DPP6: variants seen among roughly 807,000 people sequenced by gnomAD.
DPP6 encodes A-type potassium channel modulatory protein DPP6.
A neutral mutation model predicts 122.6 loss-of-function variants in DPP6; 69 were observed. The observed-to-expected ratio is 0.56, with a 90% CI of 0.46 to 0.69. The LOEUF (loss-of-function observed/expected upper bound fraction) is 0.69, where lower values mean the gene tolerates loss of function less well. DPP6 is among the 30% of genes least tolerant of loss of function. DPP6 has a pLI of 0.00. For missense variants in DPP6, 928 were observed against 1,116.9 expected (o/e 0.83, Z 2.41); for synonymous variants, 418 against 433.1 (o/e 0.97, Z 0.43).
At chr7:154,533,286 T>C (rs1827985734) in intron 3 of DPP6, among the ~76,000 whole-genome samples, 1 of 152,186 alleles carries the variant, frequency 6.6e-6, no homozygotes, top group African/African-American at 2.4e-5. Flanking sequence ...TGATGGTGAA[T>C]GAGAAAAGAT....
chr7:154,839,757 G>GC (rs1801369744), intron 16 of DPP6, among the ~76,000 whole-genome samples: 1 of 152,178 alleles, frequency 6.6e-6, no homozygotes, highest in Admixed American at 6.5e-5. Context: ...GAACAGCACA[G>GC]CCCCCACGCA....
intron 1 of DPP6, among the ~76,000 whole-genome samples, chr7:154,336,936 A>C (rs1302294544): frequency 2.0e-5 from 3 of 152,206 alleles, no homozygotes; most frequent in African/African-American, 7.2e-5. Context: ...GCAAGTCACC[A>C]GCTGGAAGTG....
At chr7:153,937,528 ACCTCTC>A (rs1156850510) in intron 1 of DPP6, among the ~76,000 whole-genome samples, 1 of 143,386 alleles carries the variant, frequency 7.0e-6, no homozygotes, top group Non-Finnish European at 1.5e-5. Flanking sequence ...GCCCACTGCA[ACCTCTC>A]CCTCCCGGGT....
chr7:154,492,964 G>A (rs1157924626), intron 3 of DPP6, among the ~76,000 whole-genome samples: 2 of 152,128 alleles, frequency 1.3e-5, no homozygotes, highest in African/African-American at 2.4e-5. Flanking sequence ...AAAAATCCAC[G>A]AAGCTCCCGC....
At chr7:154,696,115 G>A (rs550032887) in intron 7 of DPP6, among the ~76,000 whole-genome samples, 7 of 152,196 alleles carry the variant, frequency 4.6e-5, no homozygotes, top group Non-Finnish European at 7.3e-5. Context: ...AAACTCATGC[G>A]ATCCTCAGAG....
At chr7:154,572,316 C>G (rs1392667486) in intron 5 of DPP6, among the ~76,000 whole-genome samples, 3 of 152,026 alleles carry the variant, frequency 2.0e-5, no homozygotes, top group Non-Finnish European at 4.4e-5. Flanking sequence ...ATCCCAGAAT[C>G]TTCTATGCAC....
intron 1 of DPP6, among the ~76,000 whole-genome samples, chr7:153,946,869 C>T (rs1801971594): frequency 6.6e-6 from 1 of 152,050 alleles, no homozygotes; most frequent in Non-Finnish European, 1.5e-5. Flanking sequence ...GCAATTTGGT[C>T]AAGTGTGAAG....
At position 154,669,351 on chromosome 7, in the gene DPP6, A is replaced by G; in HGVS notation, c.681-9A>G. 6.4e-7 allele frequency: 1 copy of G among 1,552,880 alleles called. No homozygotes were observed. Among genetic ancestry groups the G allele is most frequent in the Non-Finnish European group, 8.7e-7 (1 of 1,147,534 alleles). ...TTGCTTTGTTTTTGTTTGTTTGTTCAATTTTCAGGGATCCTCAAAGTCTGG... is the reference window on the plus strand; with the variant it reads ...TTGCTTTGTTTTTGTTTGTTTGTTCGATTTTCAGGGATCCTCAAAGTCTGG... On this transcript the variant is annotated splice_polypyrimidine_tract_variant and intron_variant, in intron 6 of 25. Transcript: ENST00000377770.
chr7:154,645,215 A>G (rs12719702), intron 6 of DPP6, among the ~76,000 whole-genome samples: 132,118 of 151,570 alleles, frequency 0.87, 57,804 homozygotes, highest in East Asian at 0.98. Flanking sequence ...ACAGGCGCCC[A>G]CCACCACGCC....
intron 1 of DPP6, among the ~76,000 whole-genome samples, chr7:153,932,861 G>T (rs535223268): frequency 4.6e-5 from 7 of 152,224 alleles, no homozygotes; most frequent in Non-Finnish European, 7.4e-5. Flanking sequence ...ATCGTGAATT[G>T]TAGCTCCCAT....
chr7:154,338,035 C>T (rs375359685), intron 1 of DPP6, among the ~76,000 whole-genome samples: 5 of 152,320 alleles, frequency 3.3e-5, no homozygotes, highest in African/African-American at 1.2e-4. Flanking sequence ...CTTGCCTTCT[C>T]GCAGATTGTT....
intron 1 of DPP6, among the ~76,000 whole-genome samples, chr7:154,358,258 T>C (rs61508338): frequency 0.028 from 4,333 of 152,242 alleles, 197 homozygotes; most frequent in African/African-American, 0.099. Flanking sequence ...AAGGAGGGGA[T>C]ATATTACCTG....
chr7:154,376,444 C>T (rs1240785288), intron 1 of DPP6, among the ~76,000 whole-genome samples: 1 of 152,192 alleles, frequency 6.6e-6, no homozygotes, highest in East Asian at 1.9e-4. Flanking sequence ...TACATAGTCT[C>T]TCAGTCATCG....
chr7:154,353,742 T>A (rs995282566), intron 1 of DPP6, among the ~76,000 whole-genome samples: 71 of 152,192 alleles, frequency 4.7e-4, no homozygotes, highest in African/African-American at 1.7e-3. Context: ...TAACACTGAT[T>A]TAGGGCCAGG....
chr7:154,845,184 A>C (rs891225035), intron 16 of DPP6, among the ~76,000 whole-genome samples: 2 of 152,222 alleles, frequency 1.3e-5, no homozygotes, highest in African/African-American at 2.4e-5. Flanking sequence ...GCTGAGTCCA[A>C]GGTTCAGAAC....
chr7:154,623,592 C>T (rs1393262109), intron 5 of DPP6, among the ~76,000 whole-genome samples: 1 of 143,736 alleles, frequency 7.0e-6, no homozygotes, highest in Non-Finnish European at 1.5e-5. Context: ...CACACGCGCA[C>T]ACACACGCTG....
In DPP6 at chr7:154,239,336, G is replaced by A. The variant is rs111526146; in HGVS notation, c.243+186273G>A. ...CCCTTGAACAACACGGGTTTGAACG[G>A]AGCAGTTCCACTTATATGTGGATTT... On this transcript the variant is annotated intron_variant, in intron 1 of 25. Transcript: ENST00000377770. 1.4e-3 allele frequency among the ~76,000 whole-genome samples: 213 copies of A among 152,224 alleles called. 1 individual carries two copies. Among genetic ancestry groups the A allele is most frequent in the African/African-American group, 4.7e-3 (195 of 41,532 alleles).
chr7:154,806,992 A>G lies in DPP6; in HGVS notation c.1548-2A>G. 1.9e-6 allele frequency: 3 copies of G among 1,613,672 alleles called. No homozygotes were observed. The highest frequency in any genetic ancestry group is 2.5e-6 in the Non-Finnish European group (3 of 1,179,734). On this transcript the variant is annotated splice_acceptor_variant, in intron 15 of 25. Coordinates refer to ENST00000377770, the MANE Select transcript of DPP6 (RefSeq NM_130797.4). LOFTEE classifies it high-confidence loss of function. The stretch of plus-strand genomic sequence containing the variant: ...TCACACCTGCGTCCTTTGCTCTTCC[A>G]GTGCCAACACGGTGGGCAACTTCAA...
the DPP6 span, among the ~76,000 whole-genome samples, chr7:153,869,002 C>G: frequency 2.6e-5 from 4 of 152,256 alleles, no homozygotes; most frequent in African/African-American, 4.8e-5. Context: ...TTTGATTGCA[C>G]TGTGGTCTGA....
Sources: allele counts gnomAD v4.1 joint callset (sites outside exome capture counted in the v4.1 genomes callset), GRCh38; gene constraint gnomAD v4.1.1; transcripts MANE v1.5; gene names NCBI Gene and HGNC (gene_info 2026-07-23, HGNC 2026-07-21).